The following ANKIB1 variants were observed in gnomAD, a reference collection of about 807,000 sequenced individuals.
The protein encoded by ANKIB1 is ankyrin repeat and IBR domain-containing protein 1.
Under a neutral mutation model 122.1 loss-of-function variants are expected in ANKIB1, and 43 were observed. The ratio of observed to expected loss-of-function variants is 0.35; its 90% CI spans 0.28 to 0.45. The LOEUF (loss-of-function observed/expected upper bound fraction) is 0.45. Among genes scored for constraint, ANKIB1 ranks in the 20% least tolerant of loss-of-function variants. The pLI, the probability that ANKIB1 is intolerant of heterozygous loss-of-function variation, is 1.00. For synonymous variants in ANKIB1, 390 were observed against 442.0 expected, an observed-to-expected ratio of 0.88 and a Z score of 1.48; for missense variants, 992 against 1,329.5, an observed-to-expected ratio of 0.75 and a Z score of 3.95.
At chr7:92,356,312 C>T (rs1466563057) in intron 9 of ANKIB1, among the ~76,000 whole-genome samples, 1 of 152,136 alleles carries the variant, frequency 6.6e-6, no homozygotes, top group African/African-American at 2.4e-5. Flanking sequence ...CAGTTTTAAG[C>T]CCTTAGATTA....
chr7:92,368,036 G>A (rs771858830), intron 10 of ANKIB1, among the ~76,000 whole-genome samples: 1 of 152,054 alleles, frequency 6.6e-6, no homozygotes, highest in African/African-American at 2.4e-5. Flanking sequence ...CATGCCTGTA[G>A]TCCTAGCTAC....
rs142870940 is a variant in ANKIB1 at position 92,361,317 on chromosome 7, A to G, written c.1398-868A>G. ...TTAAATCAAAATTTCCCAAATTCCAATAAAAGTAAATTGAGTTACCCTAGC... is the reference window on the plus strand; with the variant it reads ...TTAAATCAAAATTTCCCAAATTCCAGTAAAAGTAAATTGAGTTACCCTAGC... On this transcript the variant is annotated intron_variant, in intron 9 of 19. Coordinates refer to ENST00000265742, the MANE Select transcript of ANKIB1 (RefSeq NM_019004.2). Among the ~76,000 whole-genome samples the G allele has an allele frequency of 1.4e-4, 22 of 152,334 alleles. No homozygotes were observed. In the East Asian group the frequency reaches 3.9e-3, roughly 27 times the overall value.
rs773669440 is a variant in ANKIB1 at position 92,398,537 on chromosome 7, C to T, written c.2858C>T (p.Ser953Phe). 10 of 1,613,860 alleles carry T rather than the reference C, an allele frequency of 6.2e-6. No individual in the cohort carries two copies. The South Asian group carries it at 1.1e-4, about 18-fold the overall frequency. Residue 953 changes from serine to phenylalanine, a missense_variant, in exon 20 of 20, where the codon TCT becomes TTT. Ser to Phe is a radical substitution (Grantham distance 155). Around this residue, in one of 4 missense-constraint regions of ANKIB1, gnomAD observed 384 missense variants for 412.0 expected, o/e 0.93. Transcript: ENST00000265742. ...GCAAGAAGTGATTTCTGTCCCTCAT[C>T]TAGTGATCCTGACTCAGCTGGCCAG... ...SEARSDFCPS[S>F]SDPDSAGQDP...
rs73414072 is a variant in ANKIB1 at position 92,393,123 on chromosome 7, C to G, written c.2283+831C>G. On this transcript the variant is annotated intron_variant, in intron 17 of 19. Transcript: ENST00000265742. Reference sequence around the variant, plus strand: ...GAAATCTTTGTTTGTAATGTATAACCCATTTGTTACCTGCAACTGAAAGAC... The same window carrying G: ...GAAATCTTTGTTTGTAATGTATAACGCATTTGTTACCTGCAACTGAAAGAC... Among the ~76,000 whole-genome samples, 1,114 of 151,930 alleles carry G rather than the reference C, an allele frequency of 7.3e-3. 11 individuals are homozygous for G. The highest frequency in any genetic ancestry group is 0.026 in the African/African-American group (1,058 of 41,478).
chr7:92,309,942 A>AAAAAAAAAAATAT (rs1335765681), intron 3 of ANKIB1, among the ~76,000 whole-genome samples: 2 of 91,790 alleles, frequency 2.2e-5, no homozygotes, highest in Non-Finnish European at 4.1e-5. Flanking sequence ...AAAAAAAAAA[A>AAAAAAAAAAATAT]ATATATATAT....
At chr7:92,265,386 G>C (rs1400548906) in intron 1 of ANKIB1, among the ~76,000 whole-genome samples, 1 of 152,046 alleles carries the variant, frequency 6.6e-6, no homozygotes. Context: ...GTATGCAGAA[G>C]CCCTAAGGGT....
chr7:92,263,018 G>T (rs960448164), intron 1 of ANKIB1, among the ~76,000 whole-genome samples: 1 of 152,112 alleles, frequency 6.6e-6, no homozygotes, highest in African/African-American at 2.4e-5. Context: ...GTAGAGCCAG[G>T]ATTCAAACCA....
rs181103205 is a variant in ANKIB1, at chr7:92,369,922, T to C, written c.1487-1555T>C. 2.4e-3 allele frequency among the ~76,000 whole-genome samples: 364 copies of C among 152,338 alleles called. 2 individuals are homozygous for C. The highest frequency in any genetic ancestry group is 8.2e-3 in the African/African-American group (342 of 41,574). On this transcript the variant is annotated intron_variant, in intron 10 of 19. Coordinates refer to ENST00000265742, the MANE Select transcript of ANKIB1 (RefSeq NM_019004.2). The stretch of plus-strand genomic sequence containing the variant: ...GGAAGGGAGAGGGAAGTTTATAAAA[T>C]GTAAAATTTAGAATCTTTAAAAACC...
chr7:92,307,579 G>A lies in ANKIB1; in HGVS notation c.409G>A (p.Ala137Thr). Residue 137 changes from alanine to threonine, a missense_variant, in exon 3 of 20, where the codon GCT becomes ACT. By Grantham distance (58) the Ala-to-Thr change is moderately conservative. Around this residue, in one of 4 missense-constraint regions of ANKIB1, gnomAD observed 521 missense variants for 777.7 expected, o/e 0.67. Transcript: ENST00000265742. ...TGACCAGGGTGAATATGAGAGAGCAGCTATTGATGCTGTTGATAACAAAAA... is the reference window on the plus strand; with the variant it reads ...TGACCAGGGTGAATATGAGAGAGCAACTATTGATGCTGTTGATAACAAAAA... ...KLDQGEYERA[A>T]IDAVDNKKNT... The A allele has an allele frequency of 6.2e-7, 1 of 1,613,554 alleles. No homozygotes were observed. Among genetic ancestry groups the A allele is most frequent in the Non-Finnish European group, 8.5e-7 (1 of 1,179,840 alleles).
intron 2 of ANKIB1, among the ~76,000 whole-genome samples, chr7:92,297,290 G>C (rs529985515): frequency 6.6e-6 from 1 of 152,118 alleles, no homozygotes; most frequent in Admixed American, 6.6e-5. Flanking sequence ...TTCTATAGTC[G>C]TATCAGCTTA....
intron 1 of ANKIB1, among the ~76,000 whole-genome samples, chr7:92,289,993 T>A (rs931620344): frequency 6.6e-6 from 1 of 152,186 alleles, no homozygotes; most frequent in African/African-American, 2.4e-5. Context: ...ATTTTTGTAT[T>A]TTTTGTAGAG....
At chr7:92,342,533 G>A (rs1004303582) in intron 5 of ANKIB1, among the ~76,000 whole-genome samples, 2 of 151,920 alleles carry the variant, frequency 1.3e-5, no homozygotes, top group East Asian at 1.9e-4. Context: ...TAATTTCTTC[G>A]GAAGTTTCTT....
intron 1 of ANKIB1, among the ~76,000 whole-genome samples, chr7:92,284,404 C>A (rs975922909): frequency 6.6e-6 from 1 of 152,132 alleles, no homozygotes; most frequent in Non-Finnish European, 1.5e-5. Context: ...TCAGATTCAG[C>A]CTTTTTATCT....
At chr7:92,304,236 T>C (rs984222487) in intron 2 of ANKIB1, among the ~76,000 whole-genome samples, 3 of 152,186 alleles carry the variant, frequency 2.0e-5, no homozygotes, top group African/African-American at 7.2e-5. Context: ...ATATTCAATT[T>C]TATGAATAGT....
intron 1 of ANKIB1, among the ~76,000 whole-genome samples, chr7:92,281,992 A>G (rs1396049225): frequency 6.6e-6 from 1 of 152,218 alleles, no homozygotes; most frequent in Non-Finnish European, 1.5e-5. Flanking sequence ...AACACTGCTT[A>G]AAAGCAGTAA....
chr7:92,355,305 G>A (rs1803773524), intron 9 of ANKIB1, among the ~76,000 whole-genome samples: 1 of 151,638 alleles, frequency 6.6e-6, no homozygotes, highest in Non-Finnish European at 1.5e-5. Flanking sequence ...TAACTTCTCT[G>A]TCTTCTGAAC....
At chr7:92,380,657 G>A (rs556554250) in intron 11 of ANKIB1, among the ~76,000 whole-genome samples, 1 of 152,298 alleles carries the variant, frequency 6.6e-6, no homozygotes, top group South Asian at 2.1e-4. Context: ...CAGACCTGCA[G>A]CTGAGGGTCC....
chr7:92,286,479 A>T (rs956970875), intron 1 of ANKIB1, among the ~76,000 whole-genome samples: 71 of 134,300 alleles, frequency 5.3e-4, no homozygotes, highest in Admixed American at 4.8e-3. Context: ...TATTATCCGT[A>T]TTTTTTTTTT....
intron 12 of ANKIB1, 116 bp from the exon 13 acceptor site, chr7:92,387,682 C>T (rs1195316891): frequency 1.2e-5 from 8 of 678,094 alleles, no homozygotes; most frequent in Non-Finnish European, 2.0e-5. Context: ...AAATAATTCG[C>T]AAATCTGAAT....
Sources: gnomAD v4.1 joint callset for allele counts (sites outside exome capture counted in the v4.1 genomes callset) on GRCh38, gnomAD v4.1.1 for gene constraint, gnomAD v4.1.1 regional missense constraint, MANE v1.5 for transcripts, NCBI Gene and HGNC (gene_info 2026-07-23, HGNC 2026-07-21) for gene names.